Variants in MAF observed in about 807,000 individuals in gnomAD.
The protein encoded by MAF is MAF bZIP transcription factor.
MAF carries 10 observed loss-of-function variants against 22.0 expected under a neutral mutation model. The ratio of observed to expected loss-of-function variants is 0.45; its 90% CI spans 0.28 to 0.77. The LOEUF (loss-of-function observed/expected upper bound fraction) is 0.77. Ranked by LOEUF, MAF falls within the 30% of genes least tolerant of loss-of-function variation. The probability of loss-of-function intolerance (pLI) is 0.12; values close to 1 mark genes in which losing one functional copy is unlikely to be tolerated. For missense variants in MAF, 544 were observed against 548.4 expected, an observed-to-expected ratio of 0.99 and a Z score of 0.08; for synonymous variants, 337 against 255.8, an observed-to-expected ratio of 1.32 and a Z score of -3.03.
At chr16:79,386,488 G>C in the MAF span, among the ~76,000 whole-genome samples, 3 of 152,260 alleles carry the variant, frequency 2.0e-5, no homozygotes, top group African/African-American at 7.2e-5. Flanking sequence ...GTGATGGGGA[G>C]TGGCTGTAAA....
chr16:79,591,343 C>G (rs552497113), downstream of MAF, among the ~76,000 whole-genome samples: 1 of 152,232 alleles, frequency 6.6e-6, no homozygotes, highest in Non-Finnish European at 1.5e-5. Context: ...ACTCTTTTTC[C>G]CAAAGCTCAG....
chr16:79,293,445 A>G, the MAF span, among the ~76,000 whole-genome samples: 2 of 152,232 alleles, frequency 1.3e-5, no homozygotes, highest in African/African-American at 4.8e-5. Context: ...TATGTAATAT[A>G]CACTTTCTAT....
At chr16:79,381,728 C>G in the MAF span, among the ~76,000 whole-genome samples, 1 of 152,166 alleles carries the variant, frequency 6.6e-6, no homozygotes, top group Non-Finnish European at 1.5e-5. Context: ...CTCGGTTACA[C>G]TATTTCTCAA....
the MAF span, among the ~76,000 whole-genome samples, chr16:79,467,424 T>C: frequency 6.6e-6 from 1 of 152,166 alleles, no homozygotes; most frequent in Admixed American, 6.5e-5. Context: ...CTGTGCTGGG[T>C]GTTTTGCAGG....
At chr16:79,538,684 A>T in the MAF span, among the ~76,000 whole-genome samples, 1 of 152,016 alleles carries the variant, frequency 6.6e-6, no homozygotes, top group Non-Finnish European at 1.5e-5. Flanking sequence ...ATCACCTGGG[A>T]ACATGGTGGC....
At chr16:79,332,618 G>C in the MAF span, among the ~76,000 whole-genome samples, 2 of 152,180 alleles carry the variant, frequency 1.3e-5, no homozygotes, top group Admixed American at 6.5e-5. Context: ...AATTATGATA[G>C]CTAATATTTA....
At chr16:79,538,791 G>A in the MAF span, among the ~76,000 whole-genome samples, 544 of 150,074 alleles carry the variant, frequency 3.6e-3, 8 homozygotes, top group Admixed American at 0.024. Context: ...ACACCACTAC[G>A]CTACAGCCTG....
chr16:79,388,527 G>C, the MAF span, among the ~76,000 whole-genome samples: 3 of 152,256 alleles, frequency 2.0e-5, no homozygotes, highest in East Asian at 5.8e-4. Context: ...TGTATTAACT[G>C]TGTTAAAAAC....
chr16:79,274,402 C>G, the MAF span, among the ~76,000 whole-genome samples: 6 of 152,086 alleles, frequency 3.9e-5, no homozygotes, highest in South Asian at 8.3e-4. Context: ...TTGCGCAATT[C>G]CAGGAGAGGC....
chr16:79,498,542 T>C, the MAF span, among the ~76,000 whole-genome samples: 1 of 152,178 alleles, frequency 6.6e-6, no homozygotes, highest in African/African-American at 2.4e-5. Flanking sequence ...AGATCGTGCT[T>C]ACCTGGTGCC....
chr16:79,264,595 C>T, the MAF span: 1 of 152,192 alleles, frequency 6.6e-6, no homozygotes, highest in Non-Finnish European at 1.5e-5. Flanking sequence ...GCTCTATCCT[C>T]TCTCAAATGC....
chr16:79,411,355 C>G, the MAF span, among the ~76,000 whole-genome samples: 1 of 152,172 alleles, frequency 6.6e-6, no homozygotes, highest in Non-Finnish European at 1.5e-5. Context: ...CTAAATAATT[C>G]TAATTCCTGT....
the MAF span, among the ~76,000 whole-genome samples, chr16:79,375,736 A>G: frequency 6.6e-6 from 1 of 152,300 alleles, no homozygotes; most frequent in Non-Finnish European, 1.5e-5. Context: ...ACAGACTTAA[A>G]AAAAAATCTG....
the MAF span, among the ~76,000 whole-genome samples, chr16:79,226,696 G>T: frequency 6.6e-6 from 1 of 151,946 alleles, no homozygotes; most frequent in Admixed American, 6.6e-5. Flanking sequence ...TTTATCTCTG[G>T]GTAGAGGACA....
the MAF span, among the ~76,000 whole-genome samples, chr16:79,327,151 T>C: frequency 3.3e-5 from 5 of 152,134 alleles, no homozygotes; most frequent in Non-Finnish European, 7.4e-5. Context: ...TTTTAAATTG[T>C]AAAAAGGTTT....
At chr16:79,472,949 C>T in the MAF span, among the ~76,000 whole-genome samples, 3 of 152,096 alleles carry the variant, frequency 2.0e-5, no homozygotes, top group South Asian at 4.2e-4. Flanking sequence ...CCATATGGCG[C>T]ACCAGCCAGT....
At chr16:79,334,325 G>A in the MAF span, among the ~76,000 whole-genome samples, 2 of 152,106 alleles carry the variant, frequency 1.3e-5, no homozygotes, top group Non-Finnish European at 2.9e-5. Flanking sequence ...ACCCTGCAGC[G>A]CACCAGGAGC....
chr16:79,585,756 T>C, downstream of MAF: 1 of 569,392 alleles, frequency 1.8e-6, no homozygotes, highest in Non-Finnish European at 3.1e-6. Flanking sequence ...CAGGAACTTT[T>C]CACACCTAAA....
the MAF span, among the ~76,000 whole-genome samples, chr16:79,349,478 C>T: frequency 2.0e-5 from 3 of 152,324 alleles, no homozygotes; most frequent in Admixed American, 2.0e-4. Flanking sequence ...GCAATGAGGT[C>T]ATTGCCAATT....
Sources: gnomAD v4.1 joint callset for allele counts (sites outside exome capture counted in the v4.1 genomes callset) on GRCh38, gnomAD v4.1.1 for gene constraint, MANE v1.5 for transcripts, NCBI Gene and HGNC (gene_info 2026-07-23, HGNC 2026-07-21) for gene names.